MCC: variants seen among roughly 807,000 people sequenced by gnomAD.
The protein encoded by MCC is colorectal mutant cancer protein.
In MCC, 90 loss-of-function variants were observed where a neutral mutation model predicts 116.2. The ratio of observed to expected loss-of-function variants is 0.77; its 90% CI spans 0.65 to 0.92. The LOEUF (loss-of-function observed/expected upper bound fraction) is 0.92, where lower values mean the gene tolerates loss of function less well. Ranked by LOEUF, MCC falls within the 40% of genes least tolerant of loss-of-function variation. MCC has a pLI of 0.00. For missense variants in MCC, 1,516 were observed against 1,312.2 expected, an observed-to-expected ratio of 1.16 and a Z score of -2.40; for synonymous variants, 578 against 510.5, an observed-to-expected ratio of 1.13 and a Z score of -1.78.
chr5:113,192,482 T>G (rs1370267944), intron 3 of MCC, among the ~76,000 whole-genome samples: 4 of 152,204 alleles, frequency 2.6e-5, no homozygotes, highest in African/African-American at 4.8e-5. Context: ...CCCCCTACCT[T>G]TTTATAATTA....
intron 3 of MCC, among the ~76,000 whole-genome samples, chr5:113,297,219 G>C (rs564080423): frequency 6.6e-6 from 1 of 152,274 alleles, no homozygotes; most frequent in Admixed American, 6.5e-5. Context: ...ATTAAGAAGG[G>C]ACGGCTGGCA....
At chr5:113,081,486 A>G (rs6898297) in intron 11 of MCC, among the ~76,000 whole-genome samples, 68,940 of 151,980 alleles carry the variant, frequency 0.45, 17,096 homozygotes, top group African/African-American at 0.67. Flanking sequence ...CTGGGTGTAT[A>G]TAACGGAGTA....
chr5:113,368,738 T>C (rs7700413), intron 2 of MCC, among the ~76,000 whole-genome samples: 69,888 of 151,924 alleles, frequency 0.46, 17,411 homozygotes, highest in African/African-American at 0.64. Context: ...CAGTGGATGC[T>C]AACTGAGTGT....
chr5:113,121,190 A>G (rs1757714289), intron 6 of MCC, among the ~76,000 whole-genome samples: 1 of 152,218 alleles, frequency 6.6e-6, no homozygotes, highest in South Asian at 2.1e-4. Flanking sequence ...GAGTTCTGCA[A>G]TAGTTTCCAA....
At chr5:113,285,926 C>A (rs963678030) in intron 3 of MCC, among the ~76,000 whole-genome samples, 3 of 152,158 alleles carry the variant, frequency 2.0e-5, no homozygotes, top group South Asian at 4.1e-4. Context: ...GTCAAAATGA[C>A]CAAACTAAAT....
At chr5:113,180,571 C>T (rs1400992021) in intron 3 of MCC, among the ~76,000 whole-genome samples, 1 of 152,152 alleles carries the variant, frequency 6.6e-6, no homozygotes, top group Non-Finnish European at 1.5e-5. Flanking sequence ...TGGGTAAAAG[C>T]ATGGCCCAAG....
chr5:113,294,570 G>A, intron 3 of MCC: 2 of 1,280,274 alleles, frequency 1.6e-6, no homozygotes, highest in African/African-American at 3.1e-5. Flanking sequence ...AGCAGCCGTG[G>A]CTCGCGTTTC....
intron 4 of MCC, among the ~76,000 whole-genome samples, chr5:113,146,632 C>T (rs1216088659): frequency 2.0e-5 from 3 of 152,086 alleles, no homozygotes; most frequent in Non-Finnish European, 2.9e-5. Flanking sequence ...TCCAACAAGC[C>T]AGCTTTAGCT....
Position 113,084,178 on chromosome 5 carries a change from C to T in MCC, c.1558G>A (p.Val520Met), listed in dbSNP as rs1258671034. Residue 520 changes from valine (V) to methionine (M), a missense_variant, in exon 10 of 19, where the codon GTG (valine) becomes ATG (methionine). Physicochemically the swap from Val to Met is conservative, Grantham distance 21 (BLOSUM62 1). Coordinates refer to ENST00000408903, the MANE Select transcript of MCC (RefSeq NM_001085377.2). The part of the protein sequence containing the change: ...DIPIAKIAER[V>M]KLSKTRSESS... ...TCGGACCTTGTCTTTGATAGCTTCA[C>T]CCTCTCAGCAATCTTAAAAAAGAAA... 4.3e-6 allele frequency: 7 copies of T among 1,613,848 alleles called. No individual in the cohort carries two copies. The highest frequency in any genetic ancestry group is 5.9e-6 in the Non-Finnish European group (7 of 1,179,820).
chr5:113,161,291 G>C (rs1291582706), intron 3 of MCC, among the ~76,000 whole-genome samples: 1 of 152,098 alleles, frequency 6.6e-6, no homozygotes, highest in Non-Finnish European at 1.5e-5. Context: ...CTAATCAGGG[G>C]ACATGAATAT....
At chr5:113,191,185 C>A (rs1374752517) in intron 3 of MCC, among the ~76,000 whole-genome samples, 17 of 152,228 alleles carry the variant, frequency 1.1e-4, no homozygotes. Flanking sequence ...TGCTCCTGGT[C>A]TCTTCCCATC....
intron 8 of MCC, 199 bp downstream of exon 8, chr5:113,101,540 C>T (rs1344248782): frequency 1.7e-5 from 8 of 475,150 alleles, no homozygotes; most frequent in South Asian, 1.4e-4. Context: ...AAAGTGTTTG[C>T]TTTTTTTTTT....
intron 3 of MCC, among the ~76,000 whole-genome samples, chr5:113,203,873 T>A (rs1762797792): frequency 6.6e-6 from 1 of 152,212 alleles, no homozygotes. Flanking sequence ...GTGGACATAA[T>A]AATTTATAAG....
chr5:113,068,321 A>G, intron 12 of MCC, 138 bp from the exon 13 acceptor site: 1 of 645,690 alleles, frequency 1.5e-6, no homozygotes, highest in South Asian at 1.8e-5. Context: ...CCACCCATGA[A>G]TATTCCCAGG....
At chr5:113,296,355 T>C (rs1307593764) in intron 3 of MCC, among the ~76,000 whole-genome samples, 2 of 152,192 alleles carry the variant, frequency 1.3e-5, no homozygotes, top group East Asian at 3.8e-4. Context: ...TAGAAAATGA[T>C]ACTTGCCATA....
chr5:113,215,481 G>T (rs1763280801), intron 3 of MCC, among the ~76,000 whole-genome samples: 1 of 152,136 alleles, frequency 6.6e-6, no homozygotes, highest in African/African-American at 2.4e-5. Context: ...AAGGGTGGGG[G>T]TTGGTCTTTG....
chr5:113,338,809 G>A (rs1488441697), intron 3 of MCC, among the ~76,000 whole-genome samples: 1 of 152,184 alleles, frequency 6.6e-6, no homozygotes, highest in Non-Finnish European at 1.5e-5. Flanking sequence ...GCAAGATTAG[G>A]ATAGTTAGAG....
intron 1 of MCC, among the ~76,000 whole-genome samples, chr5:113,422,762 G>T (rs142897544): frequency 4.5e-4 from 68 of 152,214 alleles, no homozygotes; most frequent in African/African-American, 1.6e-3. Context: ...ACATGGCATC[G>T]GAGATAAATA....
chr5:113,050,351 G>A (rs1561754652), intron 15 of MCC, among the ~76,000 whole-genome samples: 1 of 152,138 alleles, frequency 6.6e-6, no homozygotes, highest in African/African-American at 2.4e-5. Flanking sequence ...AGCCCACCGT[G>A]AGATGGACTC....
Sources: gnomAD v4.1 joint callset for allele counts (sites outside exome capture counted in the v4.1 genomes callset) on GRCh38, gnomAD v4.1.1 for gene constraint, MANE v1.5 for transcripts, NCBI Gene and HGNC (gene_info 2026-07-23, HGNC 2026-07-21) for gene names.